The following GRHL3 variants were observed in gnomAD, a reference collection of about 807,000 sequenced individuals.
The protein encoded by GRHL3 is grainyhead like transcription factor 3.
A neutral mutation model predicts 70.3 loss-of-function variants in GRHL3; 20 were observed. The observed-to-expected ratio is 0.28, with a 90% CI of 0.20 to 0.41. The LOEUF is 0.41. Among genes scored for constraint, GRHL3 ranks in the 10% least tolerant of loss-of-function variants. GRHL3 has a pLI of 1.00. For synonymous variants in GRHL3, 299 were observed against 299.9 expected (o/e 1.00, Z 0.03); for missense variants, 637 against 762.3 (o/e 0.84, Z 1.94).
rs34154883 is a variant in GRHL3, at chr1:24,360,869, G to A, written c.1695-3316G>A. ...CTCTGACCTGGGCCAGGCAGGCCTG[G>A]CTGAGGCGGCGCCGCTGTCCACCGG... On this transcript the variant is annotated intron_variant, in intron 15 of 15. Transcript: ENST00000350501. 330 of 1,612,984 alleles carry A rather than the reference G, an allele frequency of 2.0e-4. No homozygotes were observed. In the African/African-American group the frequency reaches 4.0e-3, roughly 19 times the overall value.
At chr1:24,361,190 G>A in intron 15 of GRHL3, 1 of 666,908 alleles carries the variant, frequency 1.5e-6, no homozygotes, top group Non-Finnish European at 2.4e-6. Context: ...TCCACTGGTA[G>A]TGAGCTGGGG....
At chr1:24,329,449 A>G (rs934569597) in intron 1 of GRHL3, among the ~76,000 whole-genome samples, 1 of 152,214 alleles carries the variant, frequency 6.6e-6, no homozygotes, top group African/African-American at 2.4e-5. Context: ...CTGCTGTGAT[A>G]AAGACTGCAC....
rs1266929328 is a variant in GRHL3 at position 24,342,647 on chromosome 1, T to G, written c.1207-47T>G. The G allele has an allele frequency of 2.0e-6, 3 of 1,521,250 alleles. No homozygotes were observed. Among genetic ancestry groups the G allele is most frequent in the Admixed American group, 1.7e-5 (1 of 59,694 alleles). 94.2% of individuals were successfully genotyped at this position (1,521,250 alleles called of 1,614,324 possible). A position where few individuals can be genotyped will look rare whatever the true frequency, so the allele number is the denominator to read the frequency against. ...GCAAAGCAGCAGCTGTGAAAGTAGC[T>G]AGCCCCTCCCAGGCCCTTGGTGACC... On this transcript the variant is annotated intron_variant, in intron 9 of 15. Transcript: ENST00000361548. This position sits in a 1 kb window ranked among gnomAD's most constrained non-coding sequence, Gnocchi z 4.8.
At chr1:24,328,632 A>G (rs1639481999) in intron 1 of GRHL3, among the ~76,000 whole-genome samples, 1 of 152,180 alleles carries the variant, frequency 6.6e-6, no homozygotes, top group African/African-American at 2.4e-5. Context: ...GAGTCAGCAG[A>G]TTGGGGCTCC....
At position 24,338,112 on chromosome 1, in the gene GRHL3, C is replaced by G. The variant is rs375107232; in HGVS notation, c.952+9C>G. ...GCGGGTCATTGACGTGGGTGAGAGCCTTCTCAAGCCTCCATTCCAGCTCCC... is the reference window on the plus strand; with the variant it reads ...GCGGGTCATTGACGTGGGTGAGAGCGTTCTCAAGCCTCCATTCCAGCTCCC... On this transcript the variant is annotated intron_variant, in intron 7 of 15. Transcript: ENST00000361548. 6.4e-7 allele frequency: 1 copy of G among 1,565,692 alleles called. No individual in the cohort carries two copies. Among genetic ancestry groups the G allele is most frequent in the South Asian group, 1.2e-5 (1 of 86,136 alleles).
At chr1:24,358,573 G>A (rs765074232), downstream of GRHL3, 39 of 1,613,996 alleles carry the variant, frequency 2.4e-5, no homozygotes, top group Non-Finnish European at 2.1e-5. Context: ...TCTTGTCCTC[G>A]TTGTAGAGGA....
chr1:24,364,095 A>C, intron 15 of GRHL3: 1 of 1,442,522 alleles, frequency 6.9e-7, no homozygotes. Flanking sequence ...CAGCAACTCC[A>C]TGCCTTTGTC....
chr1:24,355,522 A>T (rs1272115417), downstream of GRHL3, among the ~76,000 whole-genome samples: 2 of 152,148 alleles, frequency 1.3e-5, no homozygotes, highest in Admixed American at 1.3e-4. Context: ...TGATGCCCAG[A>T]TGTTTGTGTT....
intron 1 of GRHL3, among the ~76,000 whole-genome samples, chr1:24,324,037 G>A (rs1462918346): frequency 6.6e-6 from 1 of 152,192 alleles, no homozygotes; most frequent in East Asian, 1.9e-4. Context: ...AATGTTTGTT[G>A]AGTGAATCAG....
In GRHL3 at chr1:24,347,178, C is replaced by T. The variant is rs532858796; in HGVS notation, c.1544-290C>T. On this transcript the variant is annotated intron_variant, in intron 13 of 15. Transcript: ENST00000361548. ...TTCCCACAATGACTCTACGAAACAG[C>T]GGACAGAGCCTCCATTTTACATGCA... Among the ~76,000 whole-genome samples the T allele has an allele frequency of 1.0e-3, 155 of 152,294 alleles. 3 individuals are homozygous for T. In the South Asian group the frequency reaches 0.031, roughly 30 times the overall value.
intron 7 of GRHL3, among the ~76,000 whole-genome samples, chr1:24,338,544 C>T (rs1639915890): frequency 6.6e-6 from 1 of 152,212 alleles, no homozygotes; most frequent in Non-Finnish European, 1.5e-5. Context: ...CACAGCCCGC[C>T]CTCAAGTCTT....
At chr1:24,346,665 A>C in intron 13 of GRHL3, 24 bp downstream of exon 13, 4 of 1,574,720 alleles carry the variant, frequency 2.5e-6, no homozygotes, top group Non-Finnish European at 3.5e-6. Flanking sequence ...CTCCTCATTT[A>C]CTCACCAGGC....
intron 12 of GRHL3, among the ~76,000 whole-genome samples, chr1:24,346,268 A>G (rs1315554322): frequency 6.6e-6 from 1 of 152,090 alleles, no homozygotes; most frequent in Non-Finnish European, 1.5e-5. Flanking sequence ...ACATCCCTCT[A>G]TGAAGTATTG....
At position 24,342,899 on chromosome 1, in the gene GRHL3, G is replaced by C. The variant is rs1640102694; in HGVS notation, c.1293G>C (p.Lys431Asn). 1 of 1,614,100 alleles carries C rather than the reference G, an allele frequency of 6.2e-7. No homozygotes were observed. The highest frequency in any genetic ancestry group is 1.3e-5 in the African/African-American group (1 of 74,922). ...GCTTCCTTCTCCCATCAGGCGTCAA[G>C]GGCTGCCTGCTGTCGGGCTTCAGGG... ...KCPDSSNSGV[K>N]GCLLSGFRGN... The change falls in exon 11 of 16, where the codon AAG becomes AAC. Residue 431 changes from lysine to asparagine, a missense_variant. Lys to Asn is a moderately conservative substitution (Grantham distance 94). Transcript: ENST00000361548. This position sits in a 1 kb window ranked among gnomAD's most constrained non-coding sequence, Gnocchi z 4.8.
At position 24,334,692 on chromosome 1, in the gene GRHL3, T is replaced by G; in HGVS notation, c.252T>G (p.Asn84Lys). Residue 84 changes from asparagine to lysine, a missense_variant, in exon 3 of 16, where the codon AAT (asparagine) becomes AAG (lysine). Asn to Lys is a moderately conservative substitution (Grantham distance 94, BLOSUM62 0). Coordinates refer to ENST00000361548, the MANE Select transcript of GRHL3 (RefSeq NM_198173.3). This position sits in a 1 kb window ranked among gnomAD's most constrained non-coding sequence, Gnocchi z 4.3. ...RILSSSTGGR[N>K]DQGKRYYHGM... is the part of the protein sequence containing the mutation. ...TGTCCTCCAGCACTGGGGGCAGGAA[T>G]GACCAAGGAAAGAGGTGAGGCTTGC... The G allele has an allele frequency of 6.2e-7, 1 of 1,610,964 alleles. No homozygotes were observed. Among genetic ancestry groups the G allele is most frequent in the Non-Finnish European group, 8.5e-7 (1 of 1,178,970 alleles).
chr1:24,355,118 G>A lies in GRHL3; in HGVS notation c.*630G>A, dbSNP rs1477216708. On this transcript the variant is annotated 3_prime_UTR_variant, in exon 16 of 16. Transcript: ENST00000361548. ...ACTGTTGTATACATTTCTTATTTAC[G>A]ATTTTCATTTGTTATATATATATAT... is the stretch of plus-strand genomic sequence containing the variant. 3 of 151,944 alleles carry A rather than the reference G, an allele frequency of 2.0e-5. No homozygotes were observed. Among genetic ancestry groups the A allele is most frequent in the Non-Finnish European group, 4.4e-5 (3 of 67,918 alleles). The allele number at this position is 151,944 out of a possible 1,614,324, so 9.4% of individuals were successfully genotyped here.
At position 24,347,512 on chromosome 1, in the gene GRHL3, C is replaced by A; in HGVS notation, c.1588C>A (p.Leu530Ile). 1 of 1,614,220 alleles carries A rather than the reference C, an allele frequency of 6.2e-7. No individual in the cohort carries two copies. Among genetic ancestry groups the A allele is most frequent in the South Asian group, 1.1e-5 (1 of 91,082 alleles). Residue 530 changes from leucine (L) to isoleucine (I), a missense_variant, in exon 14 of 16, where the codon CTC (leucine) becomes ATC (isoleucine). Coordinates refer to ENST00000361548, the MANE Select transcript of GRHL3 (RefSeq NM_198173.3). Reference protein sequence around the residue: ...RRETEEVFDALMLKTPDLKGL... With the variant: ...RRETEEVFDAIMLKTPDLKGL... The stretch of plus-strand genomic sequence containing the variant: ...GGAGACTGAGGAGGTGTTTGACGCG[C>A]TCATGTTGAAGACCCCAGACCTGAA...
chr1:24,323,975 T>G (rs1177809148), intron 1 of GRHL3, among the ~76,000 whole-genome samples: 1 of 152,216 alleles, frequency 6.6e-6, no homozygotes. Context: ...GGCCTTCACC[T>G]TTTTTGTCCT....
chr1:24,335,818 G>A (rs567232214), intron 3 of GRHL3, among the ~76,000 whole-genome samples: 22 of 152,050 alleles, frequency 1.4e-4, no homozygotes, highest in African/African-American at 5.1e-4. Context: ...TCCTGACCTC[G>A]TGATCCGCCC....
Sources: allele counts gnomAD v4.1 joint callset (sites outside exome capture counted in the v4.1 genomes callset), GRCh38; gene constraint gnomAD v4.1.1; non-coding constraint Gnocchi (gnomAD v3.1); transcripts MANE v1.5; gene names NCBI Gene and HGNC (gene_info 2026-07-23, HGNC 2026-07-21).